ALK: variants seen among roughly 807,000 people sequenced by gnomAD.
ALK encodes ALK receptor tyrosine kinase.
A neutral mutation model predicts 163.1 loss-of-function variants in ALK; 74 were observed. The ratio of observed to expected loss-of-function variants is 0.45; its 90% CI spans 0.38 to 0.55. The LOEUF (loss-of-function observed/expected upper bound fraction) is 0.55. Ranked by LOEUF, ALK falls within the 20% of genes least tolerant of loss-of-function variation. The pLI, the probability that ALK is intolerant of heterozygous loss-of-function variation, is 0.00. For synonymous variants in ALK, 960 were observed against 843.2 expected, an observed-to-expected ratio of 1.14 and a Z score of -2.40; for missense variants, 2,063 against 2,105.3, an observed-to-expected ratio of 0.98 and a Z score of 0.39.
intron 1 of ALK, among the ~76,000 whole-genome samples, chr2:29,746,277 A>C (rs1320187432): frequency 1.3e-5 from 2 of 152,216 alleles, no homozygotes; most frequent in African/African-American, 4.8e-5. Flanking sequence ...AAAAAATTAA[A>C]ATGTAGCTAG....
chr2:29,529,916 G>T (rs1231464605), intron 4 of ALK, among the ~76,000 whole-genome samples: 1 of 152,152 alleles, frequency 6.6e-6, no homozygotes, highest in East Asian at 1.9e-4. Context: ...GCATTGCCTT[G>T]GGAAGAGGAT....
chr2:29,909,979 C>CAAA lies in ALK; in HGVS notation c.667+10011_667+10013dup, dbSNP rs563460919. Among the ~76,000 whole-genome samples the CAAA allele has an allele frequency of 9.9e-3, 811 of 81,684 alleles. 23 individuals carry two copies. Among genetic ancestry groups the CAAA allele is most frequent in the African/African-American group, 0.026 (709 of 26,832 alleles). The allele number at this position is 81,684 out of a possible 152,430, so 53.6% of individuals were successfully genotyped here. Reference sequence around the variant, plus strand: ...ATGGAATATTCATAATGCACCACACCAAAAAAAAAAAAAAAAACAACTGCA... The same window carrying CAAA: ...ATGGAATATTCATAATGCACCACACCAAAAAAAAAAAAAAAAAAAACAACTGCA... On this transcript the variant is annotated intron_variant, in intron 1 of 28. Coordinates refer to ENST00000389048, the MANE Select transcript of ALK (RefSeq NM_004304.5).
At chr2:29,513,409 T>A (rs1467138348) in intron 4 of ALK, among the ~76,000 whole-genome samples, 9 of 147,558 alleles carry the variant, frequency 6.1e-5, no homozygotes, top group Admixed American at 2.7e-4. Context: ...AAGGATTCCC[T>A]ATTTAATAAA....
chr2:29,274,064 G>C (rs891767423), intron 11 of ALK, among the ~76,000 whole-genome samples: 3 of 152,184 alleles, frequency 2.0e-5, no homozygotes, highest in Admixed American at 2.0e-4. Flanking sequence ...CTTTCTCCTG[G>C]GTCTGGCAGC....
intron 5 of ALK, among the ~76,000 whole-genome samples, chr2:29,356,337 A>G (rs1235815572): frequency 6.6e-6 from 1 of 152,200 alleles, no homozygotes; most frequent in African/African-American, 2.4e-5. Flanking sequence ...GAGAGGTTAC[A>G]TAACTTACTC....
intron 1 of ALK, among the ~76,000 whole-genome samples, chr2:29,884,056 A>T (rs568735518): frequency 2.6e-5 from 4 of 152,364 alleles, no homozygotes; most frequent in East Asian, 3.9e-4. Context: ...GTAAAGATGC[A>T]GCATTAAATC....
chr2:29,342,693 A>G (rs553569206), intron 5 of ALK, among the ~76,000 whole-genome samples: 2 of 152,236 alleles, frequency 1.3e-5, no homozygotes, highest in South Asian at 4.2e-4. Context: ...GCCTACTGAG[A>G]AAAGCCTGTG....
At chr2:29,818,918 G>A (rs1558502175) in intron 1 of ALK, among the ~76,000 whole-genome samples, 1 of 152,214 alleles carries the variant, frequency 6.6e-6, no homozygotes, top group Non-Finnish European at 1.5e-5. Flanking sequence ...ACTTCTGAGG[G>A]TGGCACATAG....
intron 3 of ALK, among the ~76,000 whole-genome samples, chr2:29,628,630 G>A (rs2148235021): frequency 6.6e-6 from 1 of 152,298 alleles, no homozygotes; most frequent in Admixed American, 6.5e-5. Context: ...AAACTTAGCA[G>A]AATTCTCTTT....
At chr2:29,471,727 A>G (rs900097268) in intron 4 of ALK, among the ~76,000 whole-genome samples, 1 of 145,356 alleles carries the variant, frequency 6.9e-6, no homozygotes, top group African/African-American at 2.5e-5. Flanking sequence ...ATGATGCTAA[A>G]TAACTTTCTT....
At chr2:29,431,086 C>T (rs1052510977) in intron 4 of ALK, among the ~76,000 whole-genome samples, 22 of 151,356 alleles carry the variant, frequency 1.5e-4, no homozygotes, top group Non-Finnish European at 2.7e-4. Context: ...CCTGGAGATG[C>T]CAGACACAAG....
At chr2:29,215,888 G>T (rs546935845) in intron 23 of ALK, among the ~76,000 whole-genome samples, 4 of 152,192 alleles carry the variant, frequency 2.6e-5, no homozygotes, top group Non-Finnish European at 5.9e-5. Flanking sequence ...TGACAGTGGC[G>T]TGGGACTGTC....
At chr2:29,370,080 G>T (rs371701615) in intron 5 of ALK, among the ~76,000 whole-genome samples, 1 of 152,178 alleles carries the variant, frequency 6.6e-6, no homozygotes, top group Non-Finnish European at 1.5e-5. Context: ...GAAAGACATC[G>T]ATCCTGTGAT....
At chr2:29,802,203 T>C (rs1246551608) in intron 1 of ALK, among the ~76,000 whole-genome samples, 1 of 151,020 alleles carries the variant, frequency 6.6e-6, no homozygotes, top group African/African-American at 2.4e-5. Context: ...GTATGGAGAC[T>C]GAATGAGAAA....
chr2:29,719,488 T>A (rs1252600710), intron 1 of ALK, among the ~76,000 whole-genome samples: 1 of 152,226 alleles, frequency 6.6e-6, no homozygotes, highest in Non-Finnish European at 1.5e-5. Context: ...CACGTAGGGT[T>A]ACTTTGGGTG....
intron 5 of ALK, among the ~76,000 whole-genome samples, chr2:29,344,205 A>C (rs1198996422): frequency 6.6e-6 from 1 of 152,186 alleles, no homozygotes; most frequent in Non-Finnish European, 1.5e-5. Context: ...ATAAGTGCTA[A>C]AATAGGTGTG....
intron 12 of ALK, among the ~76,000 whole-genome samples, chr2:29,241,082 G>A (rs1278506172): frequency 6.6e-6 from 1 of 152,220 alleles, no homozygotes; most frequent in Non-Finnish European, 1.5e-5. Context: ...AATGCAAATG[G>A]AGAATCTAGT....
At chr2:29,419,026 A>C (rs1025237728) in intron 4 of ALK, among the ~76,000 whole-genome samples, 1 of 151,348 alleles carries the variant, frequency 6.6e-6, no homozygotes, top group Non-Finnish European at 1.5e-5. Context: ...TCTTGTGCGG[A>C]AGACAAGGTA....
chr2:29,346,146 A>G (rs1409773134), intron 5 of ALK, among the ~76,000 whole-genome samples: 1 of 152,046 alleles, frequency 6.6e-6, no homozygotes, highest in Non-Finnish European at 1.5e-5. Context: ...CATTCTGACG[A>G]CCCCAATTCA....
Sources: allele counts gnomAD v4.1 joint callset (sites outside exome capture counted in the v4.1 genomes callset), GRCh38; gene constraint gnomAD v4.1.1; transcripts MANE v1.5; gene names NCBI Gene and HGNC (gene_info 2026-07-23, HGNC 2026-07-21).